STRADB: variants seen among roughly 807,000 people sequenced by gnomAD.
STRADB encodes STE20-related kinase adapter protein beta.
Under a neutral mutation model 52.1 loss-of-function variants are expected in STRADB, and 34 were observed. That is an observed-to-expected ratio of 0.65 (90% CI 0.50 to 0.87). STRADB has a LOEUF of 0.87. STRADB is among the 40% of genes least tolerant of loss of function. The pLI, the probability that STRADB is intolerant of heterozygous loss-of-function variation, is 0.00. For synonymous variants in STRADB, 133 were observed against 174.5 expected, an observed-to-expected ratio of 0.76 and a Z score of 1.87; for missense variants, 340 against 483.9, an observed-to-expected ratio of 0.70 and a Z score of 2.79.
chr2:201,470,124 G>T (rs1952366921), intron 4 of STRADB, 72 bp downstream of exon 4: 3 of 1,215,440 alleles, frequency 2.5e-6, no homozygotes, highest in African/African-American at 1.5e-5. Flanking sequence ...ATTATTTTGT[G>T]GGCAAGTGTT....
chr2:201,453,451 A>T (rs947743672), intron 1 of STRADB, among the ~76,000 whole-genome samples: 11 of 152,172 alleles, frequency 7.2e-5, no homozygotes, highest in Admixed American at 2.6e-4. Flanking sequence ...ACCCATGGTA[A>T]CCACTCATTA....
chr2:201,480,832 G>T lies in STRADB; in HGVS notation c.*657G>T. 1.0e-6 allele frequency: 1 copy of T among 985,462 alleles called. No homozygotes were observed. The highest frequency in any genetic ancestry group is 1.2e-6 in the Non-Finnish European group (1 of 829,818). The allele number at this position is 985,462 out of a possible 1,614,324, so 61.0% of individuals were successfully genotyped here. ...ACGCACCCCGTGGGAGCTCAATAAA[G>T]ATTTACTGAATTGAGTTTATGCTTT... On this transcript the variant is annotated 3_prime_UTR_variant, in exon 12 of 12. Coordinates refer to ENST00000194530, the MANE Select transcript of STRADB (RefSeq NM_018571.6).
chr2:201,465,319 C>T (rs1297728777), intron 3 of STRADB, among the ~76,000 whole-genome samples: 2 of 152,220 alleles, frequency 1.3e-5, no homozygotes, highest in Admixed American at 1.3e-4. Flanking sequence ...GTGATGGATC[C>T]TGCCAGAACT....
At position 201,464,951 on chromosome 2, in the gene STRADB, G is replaced by A. The variant is rs566021209; in HGVS notation, c.94-5002G>A. On this transcript the variant is annotated intron_variant, in intron 3 of 11. Coordinates refer to ENST00000194530, the MANE Select transcript of STRADB (RefSeq NM_018571.6). Reference sequence around the variant, plus strand: ...GGCCCGAGGGCTCTTCTGTCAGCTTGTGGTGAATATTGCCAGGCCTGGGTT... The same window carrying A: ...GGCCCGAGGGCTCTTCTGTCAGCTTATGGTGAATATTGCCAGGCCTGGGTT... Among the ~76,000 whole-genome samples the A allele has an allele frequency of 1.3e-3, 194 of 152,312 alleles. 2 individuals are homozygous for A. The South Asian group carries it at 0.017, about 13-fold the overall frequency.
At chr2:201,459,091 C>T (rs1952173684) in intron 3 of STRADB, among the ~76,000 whole-genome samples, 1 of 152,130 alleles carries the variant, frequency 6.6e-6, no homozygotes, top group South Asian at 2.1e-4. Context: ...TTTACAGTGT[C>T]CTTTACTATT....
chr2:201,475,694 G>C lies in STRADB; in HGVS notation c.500G>C (p.Gly167Ala). Residue 167 changes from glycine to alanine, a missense_variant, in exon 7 of 12, where the codon GGA (glycine) becomes GCA (alanine). Gly to Ala is a moderately conservative substitution (Grantham distance 60). Coordinates refer to ENST00000194530, the MANE Select transcript of STRADB (RefSeq NM_018571.6). ...ACTTTAATAAGAAACATTCTCTTTG[G>C]AGCCGTGAGAGGGTTGAACTATCTG... ...SETLIRNILF[G>A]AVRGLNYLHQ... The C allele has an allele frequency of 6.2e-7, 1 of 1,612,306 alleles. No individual in the cohort carries two copies.
intron 5 of STRADB, 145 bp downstream of exon 5, chr2:201,473,221 C>G (rs1355594353): frequency 2.8e-6 from 2 of 707,518 alleles, no homozygotes; most frequent in Non-Finnish European, 4.0e-6. Flanking sequence ...CACAGCATAA[C>G]TATTTACATA....
chr2:201,474,610 GT>G (rs1952443224), intron 5 of STRADB, 36 bp from the exon 6 acceptor site: 1 of 1,569,580 alleles, frequency 6.4e-7, no homozygotes, highest in Non-Finnish European at 8.7e-7. Flanking sequence ...AAAAACAGTT[GT>G]TTTTAAATGT....
chr2:201,476,932 G>A (rs532097574), intron 7 of STRADB, among the ~76,000 whole-genome samples: 2 of 119,184 alleles, frequency 1.7e-5, no homozygotes, highest in Non-Finnish European at 3.2e-5. Flanking sequence ...CAGTAAGCCA[G>A]GATCACTCCA....
chr2:201,453,340 G>A (rs965354131), intron 1 of STRADB, among the ~76,000 whole-genome samples: 31 of 152,036 alleles, frequency 2.0e-4, no homozygotes, highest in Non-Finnish European at 4.6e-4. Context: ...AGAAAATTTG[G>A]TTAATCATGA....
chr2:201,461,128 G>A (rs1360807375), intron 3 of STRADB, among the ~76,000 whole-genome samples: 7 of 152,060 alleles, frequency 4.6e-5, no homozygotes, highest in Admixed American at 1.3e-4. Flanking sequence ...GATCAGTGAT[G>A]TTGGGCACTT....
Position 201,466,031 on chromosome 2 carries a change from G to A in STRADB, c.94-3922G>A, listed in dbSNP as rs148851570. On this transcript the variant is annotated intron_variant, in intron 3 of 11. Transcript: ENST00000194530. The stretch of plus-strand genomic sequence containing the variant: ...TGATAGGAAGTTAAAAACAGGTACT[G>A]TGATAGCTCACCTTATTTTTTATTC... 1.9e-3 allele frequency among the ~76,000 whole-genome samples: 291 copies of A among 152,304 alleles called. 1 individual carries two copies. The highest frequency in any genetic ancestry group is 2.6e-3 in the Admixed American group (40 of 15,304).
chr2:201,465,886 AAC>A (rs2125676706), intron 3 of STRADB, among the ~76,000 whole-genome samples: 1 of 152,276 alleles, frequency 6.6e-6, no homozygotes. Context: ...TGTGACAGGC[AAC>A]ACTGAGTTCC....
In STRADB at chr2:201,472,985, A is replaced by G; in HGVS notation, c.224A>G (p.His75Arg). ...GGATTTGACAACTTGACTTCTGTCC[A>G]TCTTGCACGGCATACTCCCACAGGA... ...GRGFDNLTSVHLARHTPTGTL... is the reference protein window; with the variant it reads ...GRGFDNLTSVRLARHTPTGTL... The change falls in exon 5 of 12, where the codon CAT (histidine) becomes CGT (arginine). Residue 75 changes from histidine to arginine, a missense_variant. His to Arg is a conservative substitution (Grantham distance 29, BLOSUM62 0). Coordinates refer to ENST00000194530, the MANE Select transcript of STRADB (RefSeq NM_018571.6). 6.2e-7 allele frequency: 1 copy of G among 1,611,992 alleles called. No individual in the cohort carries two copies. Among genetic ancestry groups the G allele is most frequent in the South Asian group, 1.1e-5 (1 of 90,566 alleles).
intron 9 of STRADB, 60 bp from the exon 10 acceptor site, chr2:201,478,297 G>T: frequency 6.2e-7 from 1 of 1,601,654 alleles, no homozygotes; most frequent in Non-Finnish European, 8.5e-7. Context: ...GAGCTTTATT[G>T]TTGTTACTGT....
chr2:201,480,725 C>T lies in STRADB; in HGVS notation c.*550C>T, dbSNP rs999250275. 7 of 984,606 alleles carry T rather than the reference C, an allele frequency of 7.1e-6. No individual in the cohort carries two copies. Among genetic ancestry groups the T allele is most frequent in the Non-Finnish European group, 8.4e-6 (7 of 828,944 alleles). The allele number at this position is 984,606 out of a possible 1,614,324, so 61.0% of individuals were successfully genotyped here. A position where few individuals can be genotyped will look rare whatever the true frequency, so the allele number is the denominator to read the frequency against. ...TTAAATGATTCACTTGAAATATATACAGAAATTGTAATTTGCTTTTTTTTA... is the reference window on the plus strand; with the variant it reads ...TTAAATGATTCACTTGAAATATATATAGAAATTGTAATTTGCTTTTTTTTA... On this transcript the variant is annotated 3_prime_UTR_variant, in exon 12 of 12. Coordinates refer to ENST00000194530, the MANE Select transcript of STRADB (RefSeq NM_018571.6).
chr2:201,475,088 C>A (rs1005701261), intron 6 of STRADB, among the ~76,000 whole-genome samples: 1 of 152,214 alleles, frequency 6.6e-6, no homozygotes, highest in Non-Finnish European at 1.5e-5. Context: ...CTCTGCCCCC[C>A]ATCCCTGTCC....
intron 3 of STRADB, among the ~76,000 whole-genome samples, chr2:201,463,463 TCTTA>T (rs1403437369): frequency 2.0e-5 from 3 of 152,220 alleles, no homozygotes; most frequent in African/African-American, 4.8e-5. Flanking sequence ...CTTTCTTTTT[TCTTA>T]CTTCTTTTAG....
At position 201,478,076 on chromosome 2, in the gene STRADB, G is replaced by A; in HGVS notation, c.721-11G>A. On this transcript the variant is annotated splice_polypyrimidine_tract_variant and intron_variant, in intron 8 of 11. Coordinates refer to ENST00000194530, the MANE Select transcript of STRADB (RefSeq NM_018571.6). ...TGCACTAAAAGACTTCAAATTAATTGTGTCCTACAGGATTTACATGGGTAT... is the reference window on the plus strand; with the variant it reads ...TGCACTAAAAGACTTCAAATTAATTATGTCCTACAGGATTTACATGGGTAT... The A allele has an allele frequency of 6.3e-7, 1 of 1,588,568 alleles. No homozygotes were observed. Among genetic ancestry groups the A allele is most frequent in the South Asian group, 1.2e-5 (1 of 86,418 alleles).
Sources: allele counts gnomAD v4.1 joint callset (sites outside exome capture counted in the v4.1 genomes callset), GRCh38; gene constraint gnomAD v4.1.1; transcripts MANE v1.5; gene names NCBI Gene and HGNC (gene_info 2026-07-23, HGNC 2026-07-21).